Variants in RHPN2 observed in about 807,000 individuals in gnomAD.
The protein encoded by RHPN2 is rhophilin Rho GTPase binding protein 2.
Under a neutral mutation model 79.0 loss-of-function variants are expected in RHPN2, and 40 were observed. The ratio of observed to expected loss-of-function variants is 0.51; its 90% CI spans 0.39 to 0.66. The LOEUF (loss-of-function observed/expected upper bound fraction) is 0.66, where lower values mean the gene tolerates loss of function less well. Ranked by LOEUF, RHPN2 falls within the 30% of genes least tolerant of loss-of-function variation. RHPN2 has a pLI of 0.00. For synonymous variants in RHPN2, 285 were observed against 363.5 expected, an observed-to-expected ratio of 0.78 and a Z score of 2.46; for missense variants, 686 against 883.5, an observed-to-expected ratio of 0.78 and a Z score of 2.83.
intron 14 of RHPN2, among the ~76,000 whole-genome samples, chr19:32,982,275 G>A (rs1405441039): frequency 2.0e-5 from 3 of 151,968 alleles, no homozygotes; most frequent in African/African-American, 7.3e-5. Flanking sequence ...AGGTGTGGTG[G>A]TGCACACCTG....
At chr19:33,017,038 T>C (rs1742473486) in intron 4 of RHPN2, among the ~76,000 whole-genome samples, 1 of 152,214 alleles carries the variant, frequency 6.6e-6, no homozygotes, top group Non-Finnish European at 1.5e-5. Context: ...TCCTTAAAAA[T>C]GCCTATAAAA....
At chr19:33,044,189 G>A in intron 2 of RHPN2, 60 bp downstream of exon 2, 1 of 1,285,356 alleles carries the variant, frequency 7.8e-7, no homozygotes, top group Non-Finnish European at 1.1e-6. Context: ...GCCTGGCCTG[G>A]GAGTTTAGGG....
At chr19:33,056,737 G>T (rs75362308) in intron 1 of RHPN2, among the ~76,000 whole-genome samples, 2,232 of 152,182 alleles carry the variant, frequency 0.015, 57 homozygotes, top group African/African-American at 0.051. Flanking sequence ...AAAATATAGT[G>T]AGAAGCCAGG....
chr19:33,002,672 T>C, intron 8 of RHPN2, 141 bp downstream of exon 8: 1 of 921,422 alleles, frequency 1.1e-6, no homozygotes, highest in Non-Finnish European at 1.7e-6. Context: ...CCAAGAAAAC[T>C]CAAGCCAGCA....
In RHPN2 at chr19:32,993,996, G is replaced by GT; in HGVS notation, c.1477dup (p.Thr493AsnfsTer16). On this transcript the variant is annotated frameshift_variant, in exon 12 of 15. Transcript: ENST00000254260. LOFTEE classifies it high-confidence loss of function. ...ACATACCAGCTTCTGGAAGAAGTCC[G>GT]TGACTGTCAGCTTGGAGAACTGGGG... The GT allele has an allele frequency of 6.2e-7, 1 of 1,612,848 alleles. No individual in the cohort carries two copies.
At chr19:33,037,641 C>T (rs1972069240) in intron 2 of RHPN2, among the ~76,000 whole-genome samples, 1 of 151,992 alleles carries the variant, frequency 6.6e-6, no homozygotes, top group South Asian at 2.1e-4. Flanking sequence ...TCCAGACGTG[C>T]CGCCTTAAGA....
At chr19:33,047,218 T>G (rs997609465) in intron 1 of RHPN2, among the ~76,000 whole-genome samples, 3 of 152,234 alleles carry the variant, frequency 2.0e-5, no homozygotes, top group African/African-American at 7.2e-5. Flanking sequence ...GAAAATTATT[T>G]TTAATTTCTG....
intron 11 of RHPN2, among the ~76,000 whole-genome samples, 176 bp from the exon 12 acceptor site, chr19:32,994,229 C>T (rs1449856201): frequency 6.6e-6 from 1 of 152,074 alleles, no homozygotes; most frequent in Non-Finnish European, 1.5e-5. Context: ...AACCCCATCT[C>T]TATTAAAAAT....
chr19:33,055,122 GGAGGATTGCTTGAGGCCAGGA>G (rs757293487), intron 1 of RHPN2, among the ~76,000 whole-genome samples: 6 of 152,154 alleles, frequency 3.9e-5, no homozygotes, highest in Admixed American at 6.6e-5. Flanking sequence ...CACTGAGATG[GGAGGATTGCTTGAGGCCAGGA>G]GTTGAAGACC....
chr19:33,037,794 C>G lies in RHPN2; in HGVS notation c.185+6455G>C, dbSNP rs187335943. ...ACGCTGCATTTAAGCACTGTAACAC[C>G]GCGAGGGTCCGTCGCTTCATTCTTG... On this transcript the variant is annotated intron_variant, in intron 2 of 14. Coordinates refer to ENST00000254260, the MANE Select transcript of RHPN2 (RefSeq NM_033103.5). Among the ~76,000 whole-genome samples, 185 of 152,256 alleles carry G rather than the reference C, an allele frequency of 1.2e-3. 2 individuals carry two copies. Among genetic ancestry groups the G allele is most frequent in the Admixed American group, 9.4e-3 (144 of 15,268 alleles).
rs556739232 is a variant in RHPN2 at position 33,002,270 on chromosome 19, G to T, written c.1082C>A (p.Ala361Asp). The T allele has an allele frequency of 6.2e-7, 1 of 1,613,284 alleles. No homozygotes were observed. The highest frequency in any genetic ancestry group is 8.5e-7 in the Non-Finnish European group (1 of 1,179,850). The change falls in exon 9 of 15, where the codon GCC (alanine) becomes GAC (aspartate). Residue 361 changes from alanine to aspartate, a missense_variant. Ala to Asp is a moderately radical substitution (Grantham distance 126). Coordinates refer to ENST00000254260, the MANE Select transcript of RHPN2 (RefSeq NM_033103.5). ...ACCCTGGTGGTCGATGAGGAGGATG[G>T]CAGTGAAGTAGTGGGCCAGGGCCGC... ...HYAALAHYFT[A>D]ILLIDHQVKP...
chr19:32,993,979 G>C lies in RHPN2; in HGVS notation c.1495C>G (p.Leu499Val). Residue 499 changes from leucine to valine, a missense_variant and splice_region_variant, in exon 12 of 15, where the codon CTG becomes GTG. Leu to Val is a conservative substitution (Grantham distance 32, BLOSUM62 1). Transcript: ENST00000254260. Reference sequence around the variant, plus strand: ...AATGTAGAGAGCATTCAACATACCAGCTTCTGGAAGAAGTCCGTGACTGTC... The same window carrying C: ...AATGTAGAGAGCATTCAACATACCACCTTCTGGAAGAAGTCCGTGACTGTC... Reference protein sequence around the residue: ...KLTVTDFFQKLGPLSVFSANK... With the variant: ...KLTVTDFFQKVGPLSVFSANK... 6.2e-7 allele frequency: 1 copy of C among 1,610,402 alleles called. No individual in the cohort carries two copies. The highest frequency in any genetic ancestry group is 8.5e-7 in the Non-Finnish European group (1 of 1,176,674).
intron 2 of RHPN2, among the ~76,000 whole-genome samples, chr19:33,040,952 G>C (rs1912855363): frequency 1.3e-5 from 2 of 151,998 alleles, no homozygotes; most frequent in Admixed American, 1.3e-4. Context: ...ATGAGACTCT[G>C]TCTCAAAAAA....
intron 10 of RHPN2, among the ~76,000 whole-genome samples, chr19:32,996,911 T>G (rs1454034569): frequency 6.6e-6 from 1 of 152,158 alleles, no homozygotes; most frequent in African/African-American, 2.4e-5. Context: ...TATTTTATAT[T>G]TAGAGACAGG....
chr19:33,020,710 A>C (rs1292430678), intron 4 of RHPN2, among the ~76,000 whole-genome samples: 2 of 152,152 alleles, frequency 1.3e-5, no homozygotes, highest in African/African-American at 4.8e-5. Context: ...CATTTTAGCC[A>C]GGCTGGTCTT....
chr19:33,045,024 TC>T (rs1392594871), intron 1 of RHPN2, among the ~76,000 whole-genome samples: 1 of 147,966 alleles, frequency 6.8e-6, no homozygotes, highest in African/African-American at 2.5e-5. Context: ...GTGACCGCTT[TC>T]CCCCTCACTG....
At chr19:33,047,787 T>C (rs1252825374) in intron 1 of RHPN2, among the ~76,000 whole-genome samples, 1 of 152,134 alleles carries the variant, frequency 6.6e-6, no homozygotes, top group Non-Finnish European at 1.5e-5. Context: ...AGCTCACAAC[T>C]GTAATCCCAA....
chr19:32,985,032 T>C (rs1385447958), intron 14 of RHPN2, among the ~76,000 whole-genome samples: 4 of 151,536 alleles, frequency 2.6e-5, no homozygotes, highest in Admixed American at 2.6e-4. Flanking sequence ...GGAGTCTCCC[T>C]CTCTTGCACA....
At chr19:32,985,044 G>A (rs1419949033) in intron 14 of RHPN2, among the ~76,000 whole-genome samples, 1 of 151,896 alleles carries the variant, frequency 6.6e-6, no homozygotes, top group African/African-American at 2.4e-5. Context: ...TCTTGCACAG[G>A]CTGGAGTGCA....
Sources: gnomAD v4.1 joint callset for allele counts (sites outside exome capture counted in the v4.1 genomes callset) on GRCh38, gnomAD v4.1.1 for gene constraint, MANE v1.5 for transcripts, NCBI Gene and HGNC (gene_info 2026-07-23, HGNC 2026-07-21) for gene names.